The following RAPGEF2 variants were observed in gnomAD, a reference collection of about 807,000 sequenced individuals.
RAPGEF2 encodes the protein PDZ domain containing guanine nucleotide exchange factor (GEF) 1.
A neutral mutation model predicts 186.7 loss-of-function variants in RAPGEF2; 54 were observed. The ratio of observed to expected loss-of-function variants is 0.29; its 90% CI spans 0.23 to 0.36. RAPGEF2 has a LOEUF of 0.36. RAPGEF2 is among the 10% of genes least tolerant of loss of function. RAPGEF2 has a pLI of 1.00. For synonymous variants in RAPGEF2, 712 were observed against 705.9 expected, an observed-to-expected ratio of 1.01 and a Z score of -0.14; for missense variants, 1,532 against 2,045.0, an observed-to-expected ratio of 0.75 and a Z score of 4.84.
chr4:159,112,556 C>G (rs1052732117), intron 1 of RAPGEF2, among the ~76,000 whole-genome samples: 4 of 151,756 alleles, frequency 2.6e-5, no homozygotes, highest in Non-Finnish European at 5.9e-5. Flanking sequence ...GACTATAACC[C>G]CTAGGGAAGA....
chr4:159,175,296 ATT>A (rs34314830), intron 1 of RAPGEF2, among the ~76,000 whole-genome samples: 4 of 150,814 alleles, frequency 2.7e-5, no homozygotes, highest in South Asian at 2.1e-4. Context: ...TAAAATAATA[ATT>A]TTTTTTTTGA....
intron 8 of RAPGEF2, among the ~76,000 whole-genome samples, chr4:159,306,530 T>C (rs1188773348): frequency 2.0e-5 from 3 of 152,134 alleles, no homozygotes; most frequent in African/African-American, 7.2e-5. Context: ...AATTTTTTGA[T>C]GGAGTCTTTA....
intron 4 of RAPGEF2, 71 bp from the exon 5 acceptor site, chr4:159,238,738 T>G: frequency 8.8e-7 from 1 of 1,131,172 alleles, no homozygotes; most frequent in Admixed American, 3.2e-5. Flanking sequence ...GAAGTTTGGC[T>G]TATGTTCACA....
At chr4:159,278,933 G>A (rs978101911) in intron 7 of RAPGEF2, among the ~76,000 whole-genome samples, 3 of 152,166 alleles carry the variant, frequency 2.0e-5, no homozygotes, top group African/African-American at 7.2e-5. Context: ...TGTTACACAC[G>A]TGAGGCAGAG....
At chr4:159,150,291 A>T (rs1406310920) in intron 1 of RAPGEF2, among the ~76,000 whole-genome samples, 1 of 152,214 alleles carries the variant, frequency 6.6e-6, no homozygotes, top group Non-Finnish European at 1.5e-5. Flanking sequence ...TCACATTTTC[A>T]TCAGCTAATT....
At chr4:159,138,072 G>A (rs1561002076) in intron 1 of RAPGEF2, among the ~76,000 whole-genome samples, 1 of 152,090 alleles carries the variant, frequency 6.6e-6, no homozygotes, top group Admixed American at 6.6e-5. Flanking sequence ...TAATGAATAT[G>A]GTTTAATTTT....
chr4:159,339,002 A>G, intron 18 of RAPGEF2, 112 bp from the exon 19 acceptor site: 1 of 1,304,256 alleles, frequency 7.7e-7, no homozygotes, highest in Non-Finnish European at 1.1e-6. Context: ...GGGAGAGGTA[A>G]AAGTTCAGCA....
At chr4:159,118,392 C>T (rs549209889) in intron 1 of RAPGEF2, among the ~76,000 whole-genome samples, 3 of 152,164 alleles carry the variant, frequency 2.0e-5, no homozygotes, top group Non-Finnish European at 4.4e-5. Flanking sequence ...GCTGATTCTA[C>T]ATTACGGTGA....
intron 7 of RAPGEF2, among the ~76,000 whole-genome samples, chr4:159,260,755 T>C (rs1318875596): frequency 6.6e-6 from 1 of 152,138 alleles, no homozygotes; most frequent in Non-Finnish European, 1.5e-5. Flanking sequence ...GGTTAATTAT[T>C]ATTATTTTTT....
intron 7 of RAPGEF2, among the ~76,000 whole-genome samples, chr4:159,302,792 AT>A (rs981316555): frequency 4.0e-4 from 61 of 150,862 alleles, no homozygotes; most frequent in East Asian, 1.7e-3. Flanking sequence ...TTTATTTTTT[AT>A]TTTTTTTATT....
At chr4:159,268,466 T>A (rs896625245) in intron 7 of RAPGEF2, among the ~76,000 whole-genome samples, 18 of 152,148 alleles carry the variant, frequency 1.2e-4, no homozygotes, top group African/African-American at 4.1e-4. Flanking sequence ...GGCAGCTAAT[T>A]TTTATATTTA....
chr4:159,145,352 G>A (rs185113428), intron 1 of RAPGEF2, among the ~76,000 whole-genome samples: 32 of 152,094 alleles, frequency 2.1e-4, no homozygotes, highest in African/African-American at 7.0e-4. Flanking sequence ...CACTATAAAA[G>A]GTAAAATGAA....
At chr4:159,136,202 A>G (rs1414219982) in intron 1 of RAPGEF2, among the ~76,000 whole-genome samples, 1 of 152,182 alleles carries the variant, frequency 6.6e-6, no homozygotes. Context: ...ATTATATGTT[A>G]TGGATACAAG....
At chr4:159,295,746 T>C (rs761511774) in intron 7 of RAPGEF2, among the ~76,000 whole-genome samples, 1,779 of 125,408 alleles carry the variant, frequency 0.014, 17 homozygotes, top group African/African-American at 0.023. Context: ...TGTGTGTGTG[T>C]GTGTGTGTGC....
chr4:159,164,259 C>T (rs534624651), intron 1 of RAPGEF2, among the ~76,000 whole-genome samples: 1 of 151,564 alleles, frequency 6.6e-6, no homozygotes, highest in South Asian at 2.1e-4. Flanking sequence ...CCGCCTCAGC[C>T]TCCCAAAGTG....
intron 1 of RAPGEF2, among the ~76,000 whole-genome samples, chr4:159,118,482 C>T (rs567508833): frequency 2.0e-4 from 31 of 151,976 alleles, no homozygotes; most frequent in Admixed American, 5.9e-4. Context: ...TTGAATCATC[C>T]TGCACCCCCC....
At chr4:159,337,889 C>CAAAAAAAAAAAAAAAAAAAAAA (rs553291521) in intron 17 of RAPGEF2, among the ~76,000 whole-genome samples, 4 of 32,576 alleles carry the variant, frequency 1.2e-4, no homozygotes, top group Non-Finnish European at 2.5e-4. Context: ...GACTCCATCT[C>CAAAAAAAAAAAAAAAAAAAAAA]AAAAAAAAAA....
chr4:159,358,222 C>A lies in RAPGEF2; in HGVS notation c.*83C>A. On this transcript the variant is annotated 3_prime_UTR_variant, in exon 30 of 30. Transcript: ENST00000691494. ...TCCTGAGCATTGGAGCCTTGGAACT[C>A]ACATTCTGAGGACGGTGGACCAGTT... 7.0e-7 allele frequency: 1 copy of A among 1,420,868 alleles called. No homozygotes were observed. The allele number at this position is 1,420,868 out of a possible 1,614,324, so 88.0% of individuals were successfully genotyped here.
chr4:159,195,904 T>TAC, intron 3 of RAPGEF2, among the ~76,000 whole-genome samples: 1 of 128,892 alleles, frequency 7.8e-6, no homozygotes, highest in African/African-American at 3.4e-5. Context: ...TTTTTTTTTT[T>TAC]CCCCAAGTAG....
Sources: allele counts gnomAD v4.1 joint callset (sites outside exome capture counted in the v4.1 genomes callset), GRCh38; gene constraint gnomAD v4.1.1; transcripts MANE v1.5; gene names NCBI Gene and HGNC (gene_info 2026-07-23, HGNC 2026-07-21).